Variants in GPHN observed in about 807,000 individuals in gnomAD.
GPHN encodes gephyrin.
In GPHN, 17 loss-of-function variants were observed where a neutral mutation model predicts 95.5. That is an observed-to-expected ratio of 0.18 (90% CI 0.12 to 0.27). The LOEUF (loss-of-function observed/expected upper bound fraction) is 0.27, where lower values mean the gene tolerates loss of function less well. Ranked by LOEUF, GPHN falls within the 10% of genes least tolerant of loss-of-function variation. The probability of loss-of-function intolerance (pLI) is 1.00; values close to 1 mark genes in which losing one functional copy is unlikely to be tolerated. For missense variants in GPHN, 660 were observed against 978.1 expected (o/e 0.67, Z 4.34); for synonymous variants, 320 against 322.5 (o/e 0.99, Z 0.08).
At chr14:67,197,056 G>A in the GPHN span, 3 of 152,036 alleles carry the variant, frequency 2.0e-5, no homozygotes, top group African/African-American at 7.3e-5. Context: ...AACCTCCCAA[G>A]TAGCTGGAAC....
the GPHN span, among the ~76,000 whole-genome samples, chr14:67,700,086 G>A: frequency 6.6e-6 from 1 of 151,926 alleles, no homozygotes; most frequent in African/African-American, 2.4e-5. Context: ...GTTGCAGTGA[G>A]CTGAGATGAT....
the GPHN span, among the ~76,000 whole-genome samples, chr14:67,361,395 G>A: frequency 2.0e-5 from 3 of 152,218 alleles, no homozygotes; most frequent in South Asian, 4.1e-4. Flanking sequence ...CTCATGCACA[G>A]TAATGTTTGT....
chr14:67,726,008 G>C, the GPHN span: 2 of 1,319,142 alleles, frequency 1.5e-6, no homozygotes, highest in Non-Finnish European at 2.2e-6. Context: ...GCAGCTAGGG[G>C]ACTCCTTGCT....
At chr14:66,995,125 G>A (rs1288351327) in intron 9 of GPHN, among the ~76,000 whole-genome samples, 1 of 152,088 alleles carries the variant, frequency 6.6e-6, no homozygotes, top group Non-Finnish European at 1.5e-5. Context: ...TGTAAATAGA[G>A]AATACATACT....
chr14:66,938,531 A>G (rs1007918391), intron 8 of GPHN, among the ~76,000 whole-genome samples: 2 of 152,132 alleles, frequency 1.3e-5, no homozygotes, highest in Non-Finnish European at 2.9e-5. Context: ...TGCTTTCATG[A>G]AACTTTCTGC....
the GPHN span, among the ~76,000 whole-genome samples, chr14:67,229,560 G>A: frequency 6.6e-6 from 1 of 152,094 alleles, no homozygotes; most frequent in Admixed American, 6.5e-5. Context: ...TGTTTTGGTA[G>A]GGCTACATTT....
At chr14:66,827,469 G>A (rs957109540) in intron 4 of GPHN, among the ~76,000 whole-genome samples, 1 of 152,128 alleles carries the variant, frequency 6.6e-6, no homozygotes, top group African/African-American at 2.4e-5. Flanking sequence ...TAACCACTCT[G>A]TGCCTTAGTT....
intron 1 of GPHN, among the ~76,000 whole-genome samples, chr14:66,601,148 C>G (rs943540682): frequency 6.6e-6 from 1 of 151,996 alleles, no homozygotes; most frequent in Non-Finnish European, 1.5e-5. Context: ...AGTAGTATAA[C>G]TGATACCAAG....
intron 3 of GPHN, among the ~76,000 whole-genome samples, chr14:66,807,039 GA>G (rs1307057376): frequency 6.6e-6 from 1 of 152,180 alleles, no homozygotes; most frequent in Non-Finnish European, 1.5e-5. Context: ...TAAAAAAAGA[GA>G]GACGTTTATT....
the GPHN span, among the ~76,000 whole-genome samples, chr14:67,521,958 C>T: frequency 1.8e-3 from 275 of 152,122 alleles, 3 homozygotes; most frequent in Non-Finnish European, 1.1e-3. Flanking sequence ...GGGTGGATCA[C>T]GAGGTCAAGA....
the GPHN span, chr14:67,725,290 T>TA: frequency 2.0e-5 from 32 of 1,610,344 alleles, no homozygotes; most frequent in Non-Finnish European, 2.7e-5. Flanking sequence ...AAGCAGGAAA[T>TA]TGGGTATGGG....
At chr14:66,519,588 A>G (rs1056046208) in intron 1 of GPHN, among the ~76,000 whole-genome samples, 6 of 152,152 alleles carry the variant, frequency 3.9e-5, no homozygotes, top group African/African-American at 7.2e-5. Context: ...TACTGTCTGC[A>G]TAAGATAGAA....
Position 67,058,761 on chromosome 14 carries a change from T to A in GPHN, c.1119T>A (p.Leu373=), listed in dbSNP as rs766338596. Reference sequence around the variant, plus strand: ...CAGTCCTGGAGATGACTCCGGTGCTTGGGACAGAAATCATCAATTACCGAG... The same window carrying A: ...CAGTCCTGGAGATGACTCCGGTGCTAGGGACAGAAATCATCAATTACCGAG... ...FITVLEMTPV[L]GTEIINYRDG... is the part of the protein sequence containing the mutation. Residue 373 remains leucine (L), a synonymous_variant, in exon 11 of 23, where the codon CTT becomes CTA. Coordinates refer to ENST00000478722, the MANE Select transcript of GPHN (RefSeq NM_020806.5). 1 of 1,613,848 alleles carries A rather than the reference T, an allele frequency of 6.2e-7. No homozygotes were observed. Among genetic ancestry groups the A allele is most frequent in the Non-Finnish European group, 8.5e-7 (1 of 1,179,764 alleles).
chr14:66,904,698 C>T (rs1596329130), intron 5 of GPHN, among the ~76,000 whole-genome samples: 1 of 152,232 alleles, frequency 6.6e-6, no homozygotes, highest in South Asian at 2.1e-4. Context: ...TGGAAAGGGG[C>T]ACAGAAGGGG....
At chr14:67,266,506 A>G in the GPHN span, among the ~76,000 whole-genome samples, 1 of 151,972 alleles carries the variant, frequency 6.6e-6, no homozygotes, top group Admixed American at 6.6e-5. Flanking sequence ...TTGTATTTTT[A>G]GTAGAGACAG....
chr14:67,312,444 A>T, the GPHN span: 2 of 1,005,816 alleles, frequency 2.0e-6, no homozygotes, highest in Non-Finnish European at 2.7e-6. Flanking sequence ...AAAATAATAA[A>T]AAATTTGTAG....
chr14:67,009,610 A>G (rs1411967775), intron 9 of GPHN, among the ~76,000 whole-genome samples: 4 of 152,128 alleles, frequency 2.6e-5, no homozygotes, highest in Non-Finnish European at 5.9e-5. Context: ...CAGGGGAAGG[A>G]CTGAGAAACA....
the GPHN span, among the ~76,000 whole-genome samples, chr14:67,342,570 T>C: frequency 6.6e-6 from 1 of 151,174 alleles, no homozygotes; most frequent in Non-Finnish European, 1.5e-5. Context: ...TTTTTTTTTT[T>C]TTTCTTTGCT....
chr14:67,321,117 G>A, the GPHN span: 10 of 1,614,128 alleles, frequency 6.2e-6, no homozygotes, highest in Admixed American at 1.7e-5. Flanking sequence ...TTTGTTTCGC[G>A]GCAAGCATTC....
Sources: gnomAD v4.1 joint callset for allele counts (sites outside exome capture counted in the v4.1 genomes callset) on GRCh38, gnomAD v4.1.1 for gene constraint, MANE v1.5 for transcripts, NCBI Gene and HGNC (gene_info 2026-07-23, HGNC 2026-07-21) for gene names.